The following ZCCHC10 variants were observed in gnomAD, a reference collection of about 807,000 sequenced individuals.
ZCCHC10 encodes zinc finger CCHC domain-containing protein 10.
Under a neutral mutation model 19.5 loss-of-function variants are expected in ZCCHC10, and 16 were observed. The ratio of observed to expected loss-of-function variants is 0.82; its 90% CI spans 0.56 to 1.25. The LOEUF is 1.25. ZCCHC10 is among the 50% of genes most tolerant of loss of function. ZCCHC10 has a pLI of 0.00. For missense variants in ZCCHC10, 197 were observed against 201.0 expected (o/e 0.98, Z 0.12); for synonymous variants, 67 against 72.5 (o/e 0.92, Z 0.38).
chr5:133,015,139 C>T (rs571215050), intron 2 of ZCCHC10, among the ~76,000 whole-genome samples: 12 of 139,742 alleles, frequency 8.6e-5, no homozygotes, highest in Admixed American at 8.2e-4. Context: ...AGTGCAGTGG[C>T]GTGATCTCAG....
intron 3 of ZCCHC10, among the ~76,000 whole-genome samples, chr5:133,005,169 C>T (rs186389108): frequency 1.3e-4 from 19 of 151,966 alleles, no homozygotes; most frequent in Non-Finnish European, 1.6e-4. Context: ...TGTTGTTGCA[C>T]GCACCTATAC....
At chr5:133,012,903 T>A (rs1763651727) in intron 2 of ZCCHC10, among the ~76,000 whole-genome samples, 1 of 151,696 alleles carries the variant, frequency 6.6e-6, no homozygotes, top group Admixed American at 6.6e-5. Flanking sequence ...ACAAAAAAAT[T>A]AGCCGGGCGC....
At chr5:132,999,121 C>T (rs548883367) in intron 4 of ZCCHC10, among the ~76,000 whole-genome samples, 2 of 152,156 alleles carry the variant, frequency 1.3e-5, no homozygotes, top group South Asian at 4.2e-4. Context: ...TCATCATGTT[C>T]ACCATGTTGG....
intron 1 of ZCCHC10, among the ~76,000 whole-genome samples, chr5:133,025,428 C>CG (rs1201787825): frequency 7.6e-6 from 1 of 131,770 alleles, no homozygotes; most frequent in Non-Finnish European, 1.6e-5. Flanking sequence ...GGCGTGAACC[C>CG]GGGGGGCGGA....
chr5:133,020,970 T>G (rs1020338601), intron 2 of ZCCHC10, among the ~76,000 whole-genome samples: 2 of 148,954 alleles, frequency 1.3e-5, no homozygotes, highest in African/African-American at 4.9e-5. Context: ...AATCTCGGCT[T>G]ACTGCAAGCT....
Position 132,997,296 on chromosome 5 carries a change from T to C in ZCCHC10, c.*1287A>G, listed in dbSNP as rs1762492681. 1 of 152,186 alleles carries C rather than the reference T, an allele frequency of 6.6e-6. No homozygotes were observed. The highest frequency in any genetic ancestry group is 2.4e-5 in the African/African-American group (1 of 41,458). The allele number at this position is 152,186 out of a possible 1,614,324, so 9.4% of individuals were successfully genotyped here. On this transcript the variant is annotated 3_prime_UTR_variant, in exon 5 of 5. Transcript: ENST00000509437. Reference sequence around the variant, plus strand: ...ATTTCAATATTTAAATAGCCTGTTTTCTTCAAAAGTAATTTTCTACTGCTT... The same window carrying C: ...ATTTCAATATTTAAATAGCCTGTTTCCTTCAAAAGTAATTTTCTACTGCTT...
chr5:133,026,324 G>T (rs990035892), intron 1 of ZCCHC10, among the ~76,000 whole-genome samples, 173 bp downstream of exon 1: 1 of 152,200 alleles, frequency 6.6e-6, no homozygotes, highest in African/African-American at 2.4e-5. Context: ...CCGCGAAATC[G>T]CTAACCCCCG....
In ZCCHC10 at chr5:132,998,146, C is replaced by A; in HGVS notation, c.*437G>T. ...ACATTTATTAATAGTAGGAAAACTCCTAAGCTTACAGTAACAACATATTAA... is the reference window on the plus strand; with the variant it reads ...ACATTTATTAATAGTAGGAAAACTCATAAGCTTACAGTAACAACATATTAA... On this transcript the variant is annotated 3_prime_UTR_variant, in exon 5 of 5. Transcript: ENST00000509437. 6.3e-6 allele frequency: 1 copy of A among 157,900 alleles called. No individual in the cohort carries two copies. The highest frequency in any genetic ancestry group is 6.0e-5 in the Admixed American group (1 of 16,606). 9.8% of individuals were successfully genotyped at this position (157,900 alleles called of 1,614,324 possible).
chr5:133,008,870 G>A (rs777745033), intron 2 of ZCCHC10, among the ~76,000 whole-genome samples: 9 of 152,184 alleles, frequency 5.9e-5, no homozygotes, highest in South Asian at 4.1e-4. Context: ...AAAATTAGCC[G>A]CGTGTGGTGG....
At chr5:133,016,655 C>A (rs1763940464) in intron 2 of ZCCHC10, among the ~76,000 whole-genome samples, 1 of 152,052 alleles carries the variant, frequency 6.6e-6, no homozygotes, top group African/African-American at 2.4e-5. Flanking sequence ...ATTGGCCAGG[C>A]TGGTCTTGAA....
intron 3 of ZCCHC10, among the ~76,000 whole-genome samples, chr5:133,003,536 A>C (rs1005286784): frequency 1.3e-5 from 2 of 152,128 alleles, no homozygotes; most frequent in Non-Finnish European, 2.9e-5. Flanking sequence ...AAAAAAACCC[A>C]AAAAACCCAG....
intron 2 of ZCCHC10, among the ~76,000 whole-genome samples, chr5:133,014,407 C>G (rs1054895717): frequency 1.3e-5 from 2 of 152,166 alleles, no homozygotes; most frequent in East Asian, 3.9e-4. Flanking sequence ...TCAGATGATC[C>G]GCCCACCCCA....
intron 1 of ZCCHC10, 134 bp downstream of exon 1, chr5:133,026,363 C>T (rs1442782925): frequency 2.4e-6 from 3 of 1,271,550 alleles, no homozygotes; most frequent in Non-Finnish European, 3.3e-6. Flanking sequence ...CGGGCCCGAG[C>T]CCCCCGGGAG....
intron 4 of ZCCHC10, 74 bp from the exon 5 acceptor site, chr5:132,998,924 T>C (rs894292599): frequency 1.9e-6 from 3 of 1,546,478 alleles, no homozygotes; most frequent in African/African-American, 2.9e-5. Context: ...TTCATTTTTT[T>C]TTTCTTTTCG....
intron 2 of ZCCHC10, among the ~76,000 whole-genome samples, chr5:133,022,491 G>A (rs1219282524): frequency 6.7e-6 from 1 of 149,416 alleles, no homozygotes. Flanking sequence ...CTCTCGGTCT[G>A]TCGCCAGGCT....
chr5:132,997,816 T>C lies in ZCCHC10; in HGVS notation c.*767A>G, dbSNP rs1327195619. ...TACACAAAGATATTTCTAGCACTTCTATTTAAGTTAGCCTCTTACATGGCT... is the reference window on the plus strand; with the variant it reads ...TACACAAAGATATTTCTAGCACTTCCATTTAAGTTAGCCTCTTACATGGCT... On this transcript the variant is annotated 3_prime_UTR_variant, in exon 5 of 5. Transcript: ENST00000509437. 7 of 152,176 alleles carry C rather than the reference T, an allele frequency of 4.6e-5. No individual in the cohort carries two copies. The highest frequency in any genetic ancestry group is 1.0e-4 in the Non-Finnish European group (7 of 68,014). 9.4% of individuals were successfully genotyped at this position (152,176 alleles called of 1,614,324 possible).
At chr5:133,022,799 T>C (rs1475670049) in intron 2 of ZCCHC10, 42 bp downstream of exon 2, 10 of 512,370 alleles carry the variant, frequency 2.0e-5, no homozygotes, top group East Asian at 6.7e-5. Context: ...CAAATGTACA[T>C]ATTTATCAAA....
chr5:133,020,537 C>G (rs1265776205), intron 2 of ZCCHC10, among the ~76,000 whole-genome samples: 1 of 150,022 alleles, frequency 6.7e-6, no homozygotes. Flanking sequence ...GTGGGAGAAT[C>G]ATTTGAGCCA....
intron 2 of ZCCHC10, among the ~76,000 whole-genome samples, chr5:133,015,643 A>C (rs1330335433): frequency 6.6e-6 from 1 of 152,160 alleles, no homozygotes; most frequent in Non-Finnish European, 1.5e-5. Flanking sequence ...TAAGTGAACC[A>C]TCTTGGAAGC....
Sources: allele counts gnomAD v4.1 joint callset (sites outside exome capture counted in the v4.1 genomes callset), GRCh38; gene constraint gnomAD v4.1.1; transcripts MANE v1.5; gene names NCBI Gene and HGNC (gene_info 2026-07-23, HGNC 2026-07-21).